UNC13C: variants seen among roughly 807,000 people sequenced by gnomAD.
UNC13C encodes the protein unc-13 homolog C.
In UNC13C, 174 loss-of-function variants were observed where a neutral mutation model predicts 245.4. The ratio of observed to expected loss-of-function variants is 0.71; its 90% CI spans 0.63 to 0.80. UNC13C has a LOEUF of 0.80. Ranked by LOEUF, UNC13C falls within the 30% of genes least tolerant of loss-of-function variation. The pLI, the probability that UNC13C is intolerant of heterozygous loss-of-function variation, is 0.00. For synonymous variants in UNC13C, 992 were observed against 895.1 expected, an observed-to-expected ratio of 1.11 and a Z score of -1.93; for missense variants, 2,829 against 2,602.9, an observed-to-expected ratio of 1.09 and a Z score of -1.89.
At chr15:53,923,528 T>C in the UNC13C span, among the ~76,000 whole-genome samples, 1 of 152,234 alleles carries the variant, frequency 6.6e-6, no homozygotes, top group South Asian at 2.1e-4. Context: ...ACTTCCCCTA[T>C]GACCCTTGAG....
chr15:54,583,941 CAAAG>C (rs1214903803), intron 30 of UNC13C, among the ~76,000 whole-genome samples: 2 of 152,234 alleles, frequency 1.3e-5, no homozygotes, highest in Non-Finnish European at 2.9e-5. Context: ...AGCCCCAGGA[CAAAG>C]CTCCAGGCCC....
intron 19 of UNC13C, among the ~76,000 whole-genome samples, chr15:54,490,183 C>G (rs1207479413): frequency 6.6e-6 from 1 of 152,096 alleles, no homozygotes; most frequent in East Asian, 1.9e-4. Context: ...GCTGGTAAAA[C>G]CCTGATACTT....
chr15:54,548,954 A>C (rs1178429120), intron 27 of UNC13C, among the ~76,000 whole-genome samples: 1 of 152,052 alleles, frequency 6.6e-6, no homozygotes, highest in African/African-American at 2.4e-5. Flanking sequence ...TAAAATACAC[A>C]CTCCGATAAA....
At chr15:54,493,561 G>A (rs1893819571) in intron 19 of UNC13C, among the ~76,000 whole-genome samples, 1 of 152,004 alleles carries the variant, frequency 6.6e-6, no homozygotes, top group African/African-American at 2.4e-5. Flanking sequence ...CCTTTAATTT[G>A]TTTATAACAA....
At chr15:54,169,907 A>G (rs963323183) in intron 4 of UNC13C, among the ~76,000 whole-genome samples, 2 of 151,646 alleles carry the variant, frequency 1.3e-5, no homozygotes, top group Admixed American at 6.6e-5. Flanking sequence ...TTATGAATCT[A>G]TCTTTTATGT....
At chr15:54,563,723 G>T (rs2141210631) in intron 29 of UNC13C, among the ~76,000 whole-genome samples, 1 of 152,094 alleles carries the variant, frequency 6.6e-6, no homozygotes, top group African/African-American at 2.4e-5. Flanking sequence ...ACTGCACTGA[G>T]CTATGGATAG....
intron 2 of UNC13C, among the ~76,000 whole-genome samples, chr15:54,139,419 G>C (rs1245835592): frequency 3.3e-5 from 5 of 152,132 alleles, no homozygotes; most frequent in Non-Finnish European, 7.4e-5. Context: ...TAAATTGGCA[G>C]AGGTAGGACA....
At chr15:53,864,357 A>G in the UNC13C span, among the ~76,000 whole-genome samples, 1 of 152,200 alleles carries the variant, frequency 6.6e-6, no homozygotes, top group Non-Finnish European at 1.5e-5. Flanking sequence ...ATAATAATAA[A>G]AGTTGTGTCA....
chr15:54,162,693 C>T (rs2033022692), intron 4 of UNC13C, among the ~76,000 whole-genome samples: 1 of 152,182 alleles, frequency 6.6e-6, no homozygotes, highest in Admixed American at 6.5e-5. Flanking sequence ...CCTTCCATTG[C>T]ATACAATACA....
At chr15:54,127,726 A>T (rs990878886) in intron 2 of UNC13C, among the ~76,000 whole-genome samples, 7 of 138,150 alleles carry the variant, frequency 5.1e-5, no homozygotes, top group Admixed American at 3.0e-4. Flanking sequence ...TATATATATA[A>T]AATATATATT....
the UNC13C span, among the ~76,000 whole-genome samples, chr15:53,847,055 A>C: frequency 6.6e-6 from 1 of 152,154 alleles, no homozygotes; most frequent in African/African-American, 2.4e-5. Flanking sequence ...GCAGGATTGG[A>C]CCATGATGTC....
At chr15:54,067,797 C>G (rs1055733232) in intron 2 of UNC13C, among the ~76,000 whole-genome samples, 1 of 152,174 alleles carries the variant, frequency 6.6e-6, no homozygotes, top group African/African-American at 2.4e-5. Context: ...AGATAACGAT[C>G]CCTGTGTCCA....
the UNC13C span, among the ~76,000 whole-genome samples, chr15:53,952,368 CACAAATAAA>C: frequency 2.6e-5 from 4 of 152,142 alleles, no homozygotes; most frequent in Non-Finnish European, 5.9e-5. Flanking sequence ...CAAGGTTACA[CACAAATAAA>C]AAGGCCAGAT....
At chr15:54,524,142 G>C (rs1306992459) in intron 24 of UNC13C, among the ~76,000 whole-genome samples, 1 of 151,784 alleles carries the variant, frequency 6.6e-6, no homozygotes, top group Non-Finnish European at 1.5e-5. Flanking sequence ...TTACTTCCCT[G>C]CAACTGGTTT....
intron 18 of UNC13C, among the ~76,000 whole-genome samples, chr15:54,402,188 C>T (rs958784325): frequency 6.6e-6 from 1 of 151,744 alleles, no homozygotes; most frequent in African/African-American, 2.4e-5. Flanking sequence ...GCGAAAAAAC[C>T]CACAGATCTG....
At chr15:54,401,020 C>T (rs1244721182) in intron 18 of UNC13C, among the ~76,000 whole-genome samples, 2 of 152,056 alleles carry the variant, frequency 1.3e-5, no homozygotes, top group Non-Finnish European at 2.9e-5. Flanking sequence ...TATAAGGTTA[C>T]CATTTCTTCA....
rs765209679 is a variant in UNC13C, at chr15:54,525,753, A to C, written c.5546+116A>C. The C allele has an allele frequency of 1.9e-5, 15 of 808,880 alleles. No individual in the cohort carries two copies. In the Admixed American group the frequency reaches 3.4e-4, roughly 18 times the overall value. 50.1% of individuals were successfully genotyped at this position (808,880 alleles called of 1,614,324 possible). A position where few individuals can be genotyped will look rare whatever the true frequency, so the allele number is the denominator to read the frequency against. ...TAAATCTACTTAACTTCAAGACCCAATCTAAATGTCATTTTCTCTGAAACA... is the reference window on the plus strand; with the variant it reads ...TAAATCTACTTAACTTCAAGACCCACTCTAAATGTCATTTTCTCTGAAACA... On this transcript the variant is annotated intron_variant, in intron 25 of 32. Coordinates refer to ENST00000260323, the MANE Select transcript of UNC13C (RefSeq NM_001080534.3).
Position 54,233,291 on chromosome 15 carries a change from T to C in UNC13C, c.3072-1739T>C, listed in dbSNP as rs1022145794. Among the ~76,000 whole-genome samples the C allele has an allele frequency of 4.6e-5, 7 of 152,286 alleles. No individual in the cohort carries two copies. In the Middle Eastern group the frequency reaches 0.01, roughly 222 times the overall value. ...GTCACCTTTCTCCCTGAACACATTC[T>C]CTTCAGTTCTTTTCTTCTCTCTTTT... On this transcript the variant is annotated intron_variant, in intron 4 of 32. Transcript: ENST00000260323.
At chr15:54,614,788 C>T (rs771538385) in intron 30 of UNC13C, among the ~76,000 whole-genome samples, 1 of 151,968 alleles carries the variant, frequency 6.6e-6, no homozygotes, top group Admixed American at 6.6e-5. Context: ...GTAAACATTT[C>T]ATCCAGATAT....
Sources: gnomAD v4.1 joint callset for allele counts (sites outside exome capture counted in the v4.1 genomes callset) on GRCh38, gnomAD v4.1.1 for gene constraint, MANE v1.5 for transcripts, NCBI Gene and HGNC (gene_info 2026-07-23, HGNC 2026-07-21) for gene names.